PPP2R2B: variants seen among roughly 807,000 people sequenced by gnomAD.
PPP2R2B encodes serine/threonine-protein phosphatase 2A 55 kDa regulatory subunit B beta isoform.
In PPP2R2B, 5 loss-of-function variants were observed where a neutral mutation model predicts 46.0. The observed-to-expected ratio is 0.11, with a 90% CI of 0.06 to 0.23. PPP2R2B has a LOEUF of 0.23. Among genes scored for constraint, PPP2R2B ranks in the 10% least tolerant of loss-of-function variants. The probability of loss-of-function intolerance (pLI) is 1.00; values close to 1 mark genes in which losing one functional copy is unlikely to be tolerated. For missense variants in PPP2R2B, 367 were observed against 575.0 expected, an observed-to-expected ratio of 0.64 and a Z score of 3.70; for synonymous variants, 215 against 206.7, an observed-to-expected ratio of 1.04 and a Z score of -0.34.
intron 2 of PPP2R2B, among the ~76,000 whole-genome samples, chr5:146,854,215 G>A (rs561202709): frequency 2.0e-5 from 3 of 152,230 alleles, no homozygotes; most frequent in Non-Finnish European, 4.4e-5. Context: ...GAAAATCAGA[G>A]AGAGCCCTAC....
At chr5:147,063,075 A>AGGAAGGGAAG (rs201627842) in intron 2 of PPP2R2B, among the ~76,000 whole-genome samples, 2 of 149,890 alleles carry the variant, frequency 1.3e-5, no homozygotes, top group Non-Finnish European at 3.0e-5. Flanking sequence ...GAGAAGGGAA[A>AGGAAGGGAAG]GGAAGGGAAG....
intron 2 of PPP2R2B, among the ~76,000 whole-genome samples, chr5:146,712,895 C>T (rs767656172): frequency 6.6e-5 from 10 of 152,208 alleles, no homozygotes; most frequent in Non-Finnish European, 1.0e-4. Flanking sequence ...ATTCACTCAA[C>T]AAATGTACAT....
intron 2 of PPP2R2B, among the ~76,000 whole-genome samples, chr5:146,759,241 A>G (rs1754014688): frequency 6.6e-6 from 1 of 152,140 alleles, no homozygotes; most frequent in Non-Finnish European, 1.5e-5. Context: ...GACTAATAAT[A>G]TTGCTTCTTA....
At chr5:146,893,211 A>C (rs1358693802) in intron 1 of PPP2R2B, among the ~76,000 whole-genome samples, 1 of 152,212 alleles carries the variant, frequency 6.6e-6, no homozygotes, top group Non-Finnish European at 1.5e-5. Context: ...TCCTACTTCC[A>C]GTGGTTAACA....
upstream of PPP2R2B, among the ~76,000 whole-genome samples, chr5:147,056,488 A>G (rs568038777): frequency 1.3e-4 from 20 of 152,280 alleles, no homozygotes; most frequent in Non-Finnish European, 5.9e-5. Context: ...TGAAGCAATA[A>G]CTTAGTTCTG....
chr5:146,765,094 C>CT (rs1429059594), intron 2 of PPP2R2B, among the ~76,000 whole-genome samples: 2 of 152,100 alleles, frequency 1.3e-5, no homozygotes, highest in African/African-American at 4.8e-5. Context: ...AATGTATCTT[C>CT]TTTTTTAAGT....
intron 1 of PPP2R2B, among the ~76,000 whole-genome samples, chr5:147,034,447 C>T (rs1426640529): frequency 2.0e-5 from 3 of 152,190 alleles, no homozygotes; most frequent in African/African-American, 7.2e-5. Flanking sequence ...ATAGTAGGTC[C>T]TTATTACTTA....
intron 2 of PPP2R2B, among the ~76,000 whole-genome samples, chr5:146,770,979 A>G (rs1266225549): frequency 6.6e-6 from 1 of 152,232 alleles, no homozygotes; most frequent in Non-Finnish European, 1.5e-5. Context: ...TTACCTATGC[A>G]TGATGGGCCA....
At chr5:147,039,040 A>G (rs925582773) in intron 1 of PPP2R2B, among the ~76,000 whole-genome samples, 3 of 152,160 alleles carry the variant, frequency 2.0e-5, no homozygotes, top group Admixed American at 2.0e-4. Context: ...TGAATACTAC[A>G]TTGAATTTAT....
chr5:146,690,048 A>G (rs1214621909), intron 5 of PPP2R2B, among the ~76,000 whole-genome samples: 1 of 152,258 alleles, frequency 6.6e-6, no homozygotes, highest in Non-Finnish European at 1.5e-5. Flanking sequence ...GCATACAATG[A>G]CCATCCCATT....
intron 1 of PPP2R2B, among the ~76,000 whole-genome samples, chr5:146,954,168 A>G (rs1416402608): frequency 6.7e-6 from 1 of 149,712 alleles, no homozygotes; most frequent in Non-Finnish European, 1.5e-5. Context: ...CATCAGAGCC[A>G]GTCTCTCTCC....
chr5:146,688,079 A>AC (rs1169173732), intron 5 of PPP2R2B, among the ~76,000 whole-genome samples: 1 of 151,700 alleles, frequency 6.6e-6, no homozygotes, highest in Non-Finnish European at 1.5e-5. Flanking sequence ...TTTTTCTTCT[A>AC]CCACTGGGAT....
intron 1 of PPP2R2B, among the ~76,000 whole-genome samples, chr5:147,055,154 TA>T (rs1481063065): frequency 2.0e-5 from 3 of 152,210 alleles, no homozygotes; most frequent in African/African-American, 7.2e-5. Flanking sequence ...GCTGTGTTCT[TA>T]CTGCTCTGTA....
chr5:147,040,133 G>A (rs1012888643), intron 1 of PPP2R2B, among the ~76,000 whole-genome samples: 11 of 152,052 alleles, frequency 7.2e-5, no homozygotes, highest in African/African-American at 2.2e-4. Flanking sequence ...GGTCTTGCTG[G>A]GCAAGTGGGT....
At chr5:147,022,166 T>A (rs1340677781) in intron 1 of PPP2R2B, among the ~76,000 whole-genome samples, 1 of 152,030 alleles carries the variant, frequency 6.6e-6, no homozygotes, top group Non-Finnish European at 1.5e-5. Flanking sequence ...AGAACATAAG[T>A]GTTGTGTAGG....
chr5:147,051,753 C>CTTTTTT (rs60522229), intron 1 of PPP2R2B, among the ~76,000 whole-genome samples: 2 of 92,366 alleles, frequency 2.2e-5, no homozygotes, highest in Admixed American at 1.4e-4. Flanking sequence ...GTTTTGCTTC[C>CTTTTTT]TTTTTTTTTT....
chr5:146,856,414 AC>A (rs1197131197), intron 2 of PPP2R2B: 2 of 1,057,200 alleles, frequency 1.9e-6, no homozygotes, highest in African/African-American at 3.2e-5. Flanking sequence ...GTCCCACGGA[AC>A]AAATTTTAAG....
intron 7 of PPP2R2B, among the ~76,000 whole-genome samples, chr5:146,616,621 A>G (rs1408440412): frequency 1.4e-4 from 21 of 152,218 alleles, no homozygotes; most frequent in Non-Finnish European, 2.9e-5. Context: ...TAGGCATACA[A>G]AAAAGAGCTC....
chr5:146,893,969 C>T (rs989900605), intron 1 of PPP2R2B, among the ~76,000 whole-genome samples: 5 of 151,934 alleles, frequency 3.3e-5, no homozygotes, highest in Non-Finnish European at 5.9e-5. Context: ...TTGCTTGAAC[C>T]CAGGAGGCGG....
Sources: gnomAD v4.1 joint callset for allele counts (sites outside exome capture counted in the v4.1 genomes callset) on GRCh38, gnomAD v4.1.1 for gene constraint, MANE v1.5 for transcripts, NCBI Gene and HGNC (gene_info 2026-07-23, HGNC 2026-07-21) for gene names.